Variants in BNC2 observed in about 807,000 individuals in gnomAD.
BNC2 encodes the protein zinc finger protein basonuclin-2.
Under a neutral mutation model 76.3 loss-of-function variants are expected in BNC2, and 20 were observed. The observed-to-expected ratio is 0.26, with a 90% CI of 0.18 to 0.38. The LOEUF (loss-of-function observed/expected upper bound fraction) is 0.38. Ranked by LOEUF, BNC2 falls within the 10% of genes least tolerant of loss-of-function variation. BNC2 has a pLI of 1.00. For missense variants in BNC2, 1,382 were observed against 1,399.8 expected, an observed-to-expected ratio of 0.99 and a Z score of 0.20; for synonymous variants, 582 against 514.8, an observed-to-expected ratio of 1.13 and a Z score of -1.77.
intron 5 of BNC2, among the ~76,000 whole-genome samples, chr9:16,531,353 T>C (rs747802640): frequency 9.3e-5 from 14 of 150,980 alleles, no homozygotes; most frequent in Non-Finnish European, 2.9e-5. Context: ...GGCGACAAGA[T>C]GCTACAGCAG....
At chr9:16,735,425 G>T (rs1225763896) in intron 2 of BNC2, among the ~76,000 whole-genome samples, 1 of 151,814 alleles carries the variant, frequency 6.6e-6, no homozygotes, top group Admixed American at 6.6e-5. Context: ...AAACAGGCTG[G>T]GGGCGCACAC....
chr9:16,610,364 T>C (rs1435587919), intron 3 of BNC2, among the ~76,000 whole-genome samples: 2 of 152,134 alleles, frequency 1.3e-5, no homozygotes, highest in African/African-American at 4.8e-5. Flanking sequence ...GGCCAGTGAG[T>C]AACATCTTTC....
intron 1 of BNC2, among the ~76,000 whole-genome samples, chr9:16,820,391 G>T (rs534733482): frequency 1.3e-5 from 2 of 151,468 alleles, no homozygotes; most frequent in East Asian, 3.9e-4. Flanking sequence ...GCACCATTGC[G>T]CTCCAGCCTG....
At chr9:16,446,167 G>C (rs926826137) in intron 5 of BNC2, among the ~76,000 whole-genome samples, 6 of 152,084 alleles carry the variant, frequency 3.9e-5, no homozygotes, top group Non-Finnish European at 5.9e-5. Flanking sequence ...CAGGAATACA[G>C]AAACTACTGA....
chr9:16,854,874 G>C (rs1819214838), intron 1 of BNC2, among the ~76,000 whole-genome samples: 1 of 151,972 alleles, frequency 6.6e-6, no homozygotes, highest in Non-Finnish European at 1.5e-5. Context: ...CCCAGGAAAG[G>C]AGTCCAAAGT....
chr9:16,701,417 G>A (rs1474734241), intron 3 of BNC2, among the ~76,000 whole-genome samples: 2 of 152,298 alleles, frequency 1.3e-5, no homozygotes, highest in African/African-American at 2.4e-5. Flanking sequence ...TACCTTCCAT[G>A]AATGCTTTTG....
intron 3 of BNC2, among the ~76,000 whole-genome samples, chr9:16,688,450 G>A (rs1823043344): frequency 1.3e-5 from 2 of 151,906 alleles, no homozygotes; most frequent in Non-Finnish European, 2.9e-5. Context: ...TAAAATATGG[G>A]GTGTGCCTAA....
chr9:16,617,735 A>G (rs1820751152), intron 3 of BNC2, among the ~76,000 whole-genome samples: 2 of 152,228 alleles, frequency 1.3e-5, no homozygotes, highest in Non-Finnish European at 2.9e-5. Flanking sequence ...ACATGTATGC[A>G]GCATTTATTA....
chr9:16,586,085 A>C (rs1463627882), intron 3 of BNC2, among the ~76,000 whole-genome samples: 1 of 151,900 alleles, frequency 6.6e-6, no homozygotes, highest in Non-Finnish European at 1.5e-5. Context: ...CATTATTGGA[A>C]ACTGTCTGCT....
chr9:16,849,911 T>G (rs1819086810), intron 1 of BNC2, among the ~76,000 whole-genome samples: 1 of 152,186 alleles, frequency 6.6e-6, no homozygotes, highest in Admixed American at 6.5e-5. Context: ...CAAAGACCAG[T>G]ATGAATAAGG....
chr9:16,812,127 G>T (rs941556991), intron 1 of BNC2, among the ~76,000 whole-genome samples: 2 of 152,192 alleles, frequency 1.3e-5, no homozygotes, highest in African/African-American at 4.8e-5. Context: ...TTTGCTACCT[G>T]CCTGGCTACA....
At chr9:16,778,370 A>G (rs4961495) in intron 1 of BNC2, among the ~76,000 whole-genome samples, 139,231 of 152,166 alleles carry the variant, frequency 0.91, 63,704 homozygotes, top group East Asian at 0.99. Flanking sequence ...AGGATTCTGA[A>G]ACAAAGACAC....
At chr9:16,429,070 G>C (rs1462651451) in intron 6 of BNC2, among the ~76,000 whole-genome samples, 2 of 152,100 alleles carry the variant, frequency 1.3e-5, no homozygotes, top group Non-Finnish European at 2.9e-5. Flanking sequence ...GCAAGGACAA[G>C]CTTCTTTCCA....
At chr9:16,772,952 A>T (rs1019778205) in intron 1 of BNC2, among the ~76,000 whole-genome samples, 2 of 152,188 alleles carry the variant, frequency 1.3e-5, no homozygotes, top group Non-Finnish European at 1.5e-5. Context: ...AGCTACTTTC[A>T]TTACTGTGAT....
intron 3 of BNC2, among the ~76,000 whole-genome samples, chr9:16,694,886 CA>C (rs1260356825): frequency 6.6e-6 from 1 of 152,156 alleles, no homozygotes; most frequent in East Asian, 1.9e-4. Flanking sequence ...ACCCCCATCC[CA>C]AATGCATGGA....
chr9:16,583,621 G>A (rs1387649001), intron 3 of BNC2, among the ~76,000 whole-genome samples: 1 of 152,014 alleles, frequency 6.6e-6, no homozygotes, highest in Non-Finnish European at 1.5e-5. Context: ...TGCTCAATAA[G>A]ACCTAACATA....
At chr9:16,725,265 T>C (rs1055549860) in intron 3 of BNC2, among the ~76,000 whole-genome samples, 1 of 150,810 alleles carries the variant, frequency 6.6e-6, no homozygotes, top group African/African-American at 2.4e-5. Context: ...TGAATCAGCA[T>C]TGCTGATGAA....
chr9:16,439,456 A>G (rs1821083269), intron 5 of BNC2, among the ~76,000 whole-genome samples: 1 of 152,230 alleles, frequency 6.6e-6, no homozygotes, highest in Non-Finnish European at 1.5e-5. Context: ...CATTAGTGGG[A>G]AAATTAGCAA....
chr9:16,757,234 AG>A (rs1266731951), intron 1 of BNC2, among the ~76,000 whole-genome samples: 1 of 152,222 alleles, frequency 6.6e-6, no homozygotes, highest in Non-Finnish European at 1.5e-5. Flanking sequence ...GCTATTTAAA[AG>A]CATGTAGATT....
Sources: gnomAD v4.1 joint callset for allele counts (sites outside exome capture counted in the v4.1 genomes callset) on GRCh38, gnomAD v4.1.1 for gene constraint, MANE v1.5 for transcripts, NCBI Gene and HGNC (gene_info 2026-07-23, HGNC 2026-07-21) for gene names.